The following NAV3 variants were observed in gnomAD, a reference collection of about 807,000 sequenced individuals.
NAV3 encodes pore membrane and/or filament interacting like protein 1.
NAV3 carries 87 observed loss-of-function variants against 244.7 expected under a neutral mutation model. The observed-to-expected ratio is 0.36, with a 90% CI of 0.30 to 0.42. NAV3 has a LOEUF of 0.42. Ranked by LOEUF, NAV3 falls within the 20% of genes least tolerant of loss-of-function variation. NAV3 has a pLI of 1.00. For synonymous variants in NAV3, 1,126 were observed against 1,042.2 expected, an observed-to-expected ratio of 1.08 and a Z score of -1.55; for missense variants, 2,663 against 2,893.3, an observed-to-expected ratio of 0.92 and a Z score of 1.83.
At chr12:78,086,835 T>C (rs955480165) in intron 12 of NAV3, among the ~76,000 whole-genome samples, 8 of 152,046 alleles carry the variant, frequency 5.3e-5, no homozygotes, top group Admixed American at 2.0e-4. Flanking sequence ...CATCTATGTG[T>C]TGGGATCCCA....
chr12:77,749,332 G>A (rs1462490447), intron 2 of NAV3, among the ~76,000 whole-genome samples: 2 of 152,108 alleles, frequency 1.3e-5, no homozygotes, highest in African/African-American at 4.8e-5. Context: ...AAACCTAGTA[G>A]GGTTCAGCCC....
At chr12:77,652,021 G>A (rs947696175) in intron 2 of NAV3, among the ~76,000 whole-genome samples, 1 of 152,142 alleles carries the variant, frequency 6.6e-6, no homozygotes, top group East Asian at 1.9e-4. Context: ...GTAGAAAAAT[G>A]CAGGGAAGGC....
intron 13 of NAV3, 34 bp downstream of exon 13, chr12:78,116,938 C>T (rs1254244954): frequency 6.2e-7 from 1 of 1,605,850 alleles, no homozygotes; most frequent in South Asian, 1.1e-5. Flanking sequence ...TCCAGTGTTT[C>T]TGCCAGCTTT....
intron 2 of NAV3, among the ~76,000 whole-genome samples, chr12:77,668,503 C>T (rs773534534): frequency 6.6e-6 from 1 of 152,076 alleles, no homozygotes; most frequent in African/African-American, 2.4e-5. Context: ...TGAAAAGTCT[C>T]AGCAATAGAA....
chr12:77,779,341 T>C (rs2135908937), intron 2 of NAV3, among the ~76,000 whole-genome samples: 1 of 152,256 alleles, frequency 6.6e-6, no homozygotes, highest in African/African-American at 2.4e-5. Context: ...ATGGACTTAT[T>C]CCAAAACCGA....
At chr12:77,685,890 A>G (rs1477510391) in intron 2 of NAV3, among the ~76,000 whole-genome samples, 1 of 152,234 alleles carries the variant, frequency 6.6e-6, no homozygotes, top group Non-Finnish European at 1.5e-5. Flanking sequence ...TAGAGTGTTT[A>G]GAAATTTTGA....
intron 2 of NAV3, among the ~76,000 whole-genome samples, chr12:77,593,248 GTATA>G (rs1429692187): frequency 7.6e-6 from 1 of 131,302 alleles, no homozygotes; most frequent in Non-Finnish European, 1.6e-5. Flanking sequence ...TAATTCTATG[GTATA>G]TATATGTATG....
intron 1 of NAV3, among the ~76,000 whole-genome samples, chr12:77,878,801 GT>G (rs1312460065): frequency 6.7e-6 from 1 of 149,492 alleles, no homozygotes; most frequent in African/African-American, 2.5e-5. Context: ...TTTTTTTAGC[GT>G]TCCCATCGTA....
In NAV3 at chr12:78,059,114, A is replaced by G; in HGVS notation, c.2635A>G (p.Ser879Gly). The G allele has an allele frequency of 1.9e-6, 3 of 1,610,142 alleles. No individual in the cohort carries two copies. The highest frequency in any genetic ancestry group is 2.5e-6 in the Non-Finnish European group (3 of 1,178,286). ...TCACGATGTGACAGTGGATGCAGAC[A>G]GGTAATGCTATCAGCATATATGATG... Reference protein sequence around the residue: ...GVHDVTVDADSWDDSSSVSSG... With the variant: ...GVHDVTVDADGWDDSSSVSSG... Residue 879 changes from serine to glycine, a missense_variant and splice_region_variant, in exon 12 of 40, where the codon AGC (serine) becomes GGC (glycine). Around this residue, in one of 6 missense-constraint regions of NAV3, gnomAD observed 1,521 missense variants for 1,497.0 expected, o/e 1.02. Transcript: ENST00000397909.
At chr12:78,015,005 C>G (rs887650121) in intron 8 of NAV3, among the ~76,000 whole-genome samples, 1 of 152,034 alleles carries the variant, frequency 6.6e-6, no homozygotes, top group Non-Finnish European at 1.5e-5. Flanking sequence ...GGAATATGAA[C>G]ACACTGCTAG....
intron 34 of NAV3, among the ~76,000 whole-genome samples, chr12:78,191,857 G>A (rs763969630): frequency 6.6e-6 from 1 of 152,026 alleles, no homozygotes; most frequent in African/African-American, 2.4e-5. Context: ...CTCAATGTTG[G>A]TATGACAAAA....
At chr12:77,882,187 A>T (rs1471405852) in intron 1 of NAV3, among the ~76,000 whole-genome samples, 1 of 152,138 alleles carries the variant, frequency 6.6e-6, no homozygotes, top group African/African-American at 2.4e-5. Flanking sequence ...CACTCTATGG[A>T]TACAGTAACC....
At chr12:77,952,109 T>C (rs1227584984) in intron 3 of NAV3, among the ~76,000 whole-genome samples, 2 of 151,842 alleles carry the variant, frequency 1.3e-5, no homozygotes, top group African/African-American at 4.8e-5. Context: ...TCTTGTTGAG[T>C]TTTAAGAGTT....
At chr12:77,976,666 CTTTT>C (rs1295751885) in intron 5 of NAV3, among the ~76,000 whole-genome samples, 3 of 58,052 alleles carry the variant, frequency 5.2e-5, no homozygotes, top group Admixed American at 2.5e-4. Flanking sequence ...TTCTTTCTTT[CTTTT>C]TTTCTTTTTT....
chr12:77,590,791 A>C (rs1801751078), intron 2 of NAV3, among the ~76,000 whole-genome samples: 1 of 152,256 alleles, frequency 6.6e-6, no homozygotes, highest in East Asian at 1.9e-4. Context: ...GTTATTAAGA[A>C]AGCAGGTTGT....
chr12:77,822,226 A>G (rs1366573114), intron 2 of NAV3, among the ~76,000 whole-genome samples: 1 of 152,228 alleles, frequency 6.6e-6, no homozygotes, highest in Non-Finnish European at 1.5e-5. Flanking sequence ...TAGAGCATAT[A>G]TAAACAATTT....
At chr12:77,915,574 A>G (rs1376579805) in intron 1 of NAV3, among the ~76,000 whole-genome samples, 3 of 151,992 alleles carry the variant, frequency 2.0e-5, no homozygotes, top group Admixed American at 1.3e-4. Context: ...TCTAGATAGT[A>G]TATTATTAGC....
chr12:77,616,488 A>G (rs1021414598), intron 2 of NAV3, among the ~76,000 whole-genome samples: 4 of 152,124 alleles, frequency 2.6e-5, no homozygotes, highest in African/African-American at 7.2e-5. Flanking sequence ...GACCCTTTGT[A>G]TATATAATGT....
chr12:77,691,956 ATATT>A (rs1356062011), intron 2 of NAV3, among the ~76,000 whole-genome samples: 1 of 151,956 alleles, frequency 6.6e-6, no homozygotes, highest in East Asian at 1.9e-4. Flanking sequence ...AAAGGAGAGA[ATATT>A]TAAAGGTAGA....
Sources: gnomAD v4.1 joint callset for allele counts (sites outside exome capture counted in the v4.1 genomes callset) on GRCh38, gnomAD v4.1.1 for gene constraint, gnomAD v4.1.1 regional missense constraint, MANE v1.5 for transcripts, NCBI Gene and HGNC (gene_info 2026-07-23, HGNC 2026-07-21) for gene names.